The following ZMYND11 variants were observed in gnomAD, a reference collection of about 807,000 sequenced individuals.
The protein encoded by ZMYND11 is zinc finger MYND-type containing 11.
In ZMYND11, 9 loss-of-function variants were observed where a neutral mutation model predicts 84.9. The observed-to-expected ratio is 0.11, with a 90% CI of 0.06 to 0.18. The LOEUF (loss-of-function observed/expected upper bound fraction) is 0.18, where lower values mean the gene tolerates loss of function less well. Among genes scored for constraint, ZMYND11 ranks in the 10% least tolerant of loss-of-function variants. The pLI is 1.00. For synonymous variants in ZMYND11, 250 were observed against 244.1 expected, an observed-to-expected ratio of 1.02 and a Z score of -0.23; for missense variants, 409 against 761.0, an observed-to-expected ratio of 0.54 and a Z score of 5.44.
At chr10:218,540 CT>C in intron 3 of ZMYND11, 1 of 309,354 alleles carries the variant, frequency 3.2e-6, no homozygotes. Flanking sequence ...TATAATTCTG[CT>C]TTATTTTTTG....
intron 2 of ZMYND11, among the ~76,000 whole-genome samples, chr10:202,583 A>G (rs1258186281): frequency 1.3e-5 from 2 of 152,044 alleles, no homozygotes; most frequent in South Asian, 2.1e-4. Flanking sequence ...AAGGTGCATC[A>G]GTATAGGAGG....
At position 180,036 on chromosome 10, in the gene ZMYND11, A is replaced by G. The variant is rs1251276021; in HGVS notation, c.24A>G (p.Arg8=). Residue 8 remains arginine, a synonymous_variant, in exon 2 of 15, where the codon CGA becomes CGG. Transcript: ENST00000381604. ...TCATGGCACGTTTAACAAAAAGACG[A>G]CAGGCGGATACAAAAGCTATCCAGC... MARLTKR[R]QADTKAIQHL... 1 of 1,613,688 alleles carries G rather than the reference A, an allele frequency of 6.2e-7. No individual in the cohort carries two copies. The highest frequency in any genetic ancestry group is 1.1e-5 in the South Asian group (1 of 91,008).
At chr10:165,708 C>T (rs1339197326) in intron 1 of ZMYND11, among the ~76,000 whole-genome samples, 1 of 152,038 alleles carries the variant, frequency 6.6e-6, no homozygotes, top group Non-Finnish European at 1.5e-5. Context: ...ATATTTTTTC[C>T]TCATTCTACA....
In ZMYND11 at chr10:203,632, A is replaced by C. The variant is rs2448373; in HGVS notation, c.117-6257A>C. Among the ~76,000 whole-genome samples the C allele has an allele frequency of 2.0e-3, 302 of 152,090 alleles. 3 individuals carry two copies. The highest frequency in any genetic ancestry group is 7.1e-3 in the African/African-American group (296 of 41,498). On this transcript the variant is annotated intron_variant, in intron 2 of 14. Coordinates refer to ENST00000381604, the MANE Select transcript of ZMYND11 (RefSeq NM_001370100.5). ...GGAGAGGAACTCCCTAAGGCTGGCA[A>C]GCTTACATGGGAGCAGGAAACTTGT...
chr10:162,020 C>T (rs1226261648), intron 1 of ZMYND11, among the ~76,000 whole-genome samples: 1 of 152,224 alleles, frequency 6.6e-6, no homozygotes, highest in African/African-American at 2.4e-5. Context: ...ATGCCTTCCT[C>T]ACTAAGCTTA....
intron 1 of ZMYND11, among the ~76,000 whole-genome samples, chr10:151,170 C>G (rs1269004380): frequency 1.3e-5 from 2 of 152,204 alleles, no homozygotes; most frequent in Non-Finnish European, 2.9e-5. Flanking sequence ...CTCTCCCCCT[C>G]CAAAGGAACG....
chr10:238,286 A>G (rs574633067), intron 6 of ZMYND11, among the ~76,000 whole-genome samples: 2 of 152,350 alleles, frequency 1.3e-5, no homozygotes, highest in Non-Finnish European at 2.9e-5. Context: ...TTGGAAATTT[A>G]AAATCTTAAC....
chr10:224,718 G>A (rs1202565369), intron 4 of ZMYND11, among the ~76,000 whole-genome samples: 3 of 152,018 alleles, frequency 2.0e-5, no homozygotes, highest in East Asian at 1.9e-4. Context: ...GTATGTACTC[G>A]ACAGTACCCC....
chr10:167,716 G>A (rs1385341765), intron 1 of ZMYND11, among the ~76,000 whole-genome samples: 2 of 151,958 alleles, frequency 1.3e-5, no homozygotes, highest in East Asian at 3.9e-4. Context: ...GGCTCTTGGG[G>A]CAGTATTATT....
Position 247,435 on chromosome 10 carries a change from G to A in ZMYND11, c.1196G>A (p.Arg399Gln), listed in dbSNP as rs759027665. The stretch of plus-strand genomic sequence containing the variant: ...CAAGAACCAAGAGCAAAGAAAGGAC[G>A]ACGTAATCAAAGTGTGGAGCCCAAA... Reference protein sequence around the residue: ...VTQEPRAKKGRRNQSVEPKKE... With the variant: ...VTQEPRAKKGQRNQSVEPKKE... Residue 399 changes from arginine to glutamine, a missense_variant, in exon 12 of 15, where the codon CGA becomes CAA. Around this residue, in one of 7 missense-constraint regions of ZMYND11, gnomAD observed 19 missense variants for 60.5 expected, o/e 0.31. Coordinates refer to ENST00000381604, the MANE Select transcript of ZMYND11 (RefSeq NM_001370100.5). The A allele has an allele frequency of 5.0e-6, 8 of 1,613,988 alleles. No homozygotes were observed. Among genetic ancestry groups the A allele is most frequent in the East Asian group, 2.2e-5 (1 of 44,882 alleles).
chr10:182,424 AG>A (rs1444084490), intron 2 of ZMYND11, among the ~76,000 whole-genome samples: 2 of 152,136 alleles, frequency 1.3e-5, no homozygotes, highest in Non-Finnish European at 2.9e-5. Flanking sequence ...TCATGTTGTA[AG>A]GTCCATAGTT....
intron 13 of ZMYND11, 57 bp from the exon 14 acceptor site, chr10:248,846 T>C: frequency 1.3e-6 from 2 of 1,554,076 alleles, no homozygotes; most frequent in Non-Finnish European, 1.7e-6. Flanking sequence ...TGTTCCAGTG[T>C]AGATGGTCTG....
At chr10:221,473 G>A (rs1388987859) in intron 4 of ZMYND11, 117 bp downstream of exon 4, 2 of 971,946 alleles carry the variant, frequency 2.1e-6, no homozygotes, top group Non-Finnish European at 3.0e-6. Context: ...TGGAGGGTGG[G>A]GGTTATCTAA....
chr10:137,063 T>A (rs1378134406), intron 1 of ZMYND11, among the ~76,000 whole-genome samples: 1 of 152,112 alleles, frequency 6.6e-6, no homozygotes, highest in Non-Finnish European at 1.5e-5. Flanking sequence ...TAGTACCCAA[T>A]GTCATATGCC....
intron 3 of ZMYND11, among the ~76,000 whole-genome samples, chr10:213,847 T>A (rs529019409): frequency 1.3e-5 from 2 of 152,328 alleles, no homozygotes; most frequent in African/African-American, 4.8e-5. Context: ...TACATTTTTA[T>A]TTCACCTCTG....
intron 1 of ZMYND11, among the ~76,000 whole-genome samples, chr10:160,949 CTTTT>C (rs57227207): frequency 5.9e-5 from 6 of 102,230 alleles, no homozygotes; most frequent in Non-Finnish European, 7.7e-5. Flanking sequence ...AAATTACTTA[CTTTT>C]TTTTTTTTTT....
chr10:238,426 G>C (rs2131710923), intron 6 of ZMYND11, among the ~76,000 whole-genome samples: 1 of 151,460 alleles, frequency 6.6e-6, no homozygotes, highest in South Asian at 2.1e-4. Context: ...GTGTGATCTT[G>C]GCTCACTGCA....
At chr10:229,185 C>T (rs1339552384) in intron 4 of ZMYND11, among the ~76,000 whole-genome samples, 1 of 152,130 alleles carries the variant, frequency 6.6e-6, no homozygotes, top group Non-Finnish European at 1.5e-5. Flanking sequence ...AATGTAGATA[C>T]AGCCACAGTG....
At position 246,927 on chromosome 10, in the gene ZMYND11, G is replaced by C; in HGVS notation, c.1112G>C (p.Gly371Ala). ...TGGAAATCTAAGAATGAGGACCGAGGTGAGGAAGAGGCAGAATCCAGTATC... is the reference window on the plus strand; with the variant it reads ...TGGAAATCTAAGAATGAGGACCGAGCTGAGGAAGAGGCAGAATCCAGTATC... ...RFWKSKNEDR[G>A]EEEAESSISS... Residue 371 changes from glycine to alanine, a missense_variant, in exon 11 of 15, where the codon GGT (glycine) becomes GCT (alanine). Gly to Ala is a moderately conservative substitution (Grantham distance 60). This residue lies in a region of ZMYND11 where 48 missense variants were observed against 61.1 expected (regional missense o/e 0.79). Transcript: ENST00000381604. The C allele has an allele frequency of 6.2e-7, 1 of 1,612,440 alleles. No homozygotes were observed. Among genetic ancestry groups the C allele is most frequent in the Non-Finnish European group, 8.5e-7 (1 of 1,179,400 alleles).
Sources: allele counts gnomAD v4.1 joint callset (sites outside exome capture counted in the v4.1 genomes callset), GRCh38; gene constraint gnomAD v4.1.1; regional missense constraint gnomAD v4.1.1; transcripts MANE v1.5; gene names NCBI Gene and HGNC (gene_info 2026-07-23, HGNC 2026-07-21).